IQCC: variants seen among roughly 807,000 people sequenced by gnomAD.
The protein encoded by IQCC is IQ motif containing C.
A neutral mutation model predicts 27.0 loss-of-function variants in IQCC; 23 were observed. That is an observed-to-expected ratio of 0.85 (90% CI 0.61 to 1.21). IQCC has a LOEUF of 1.21. Among genes scored for constraint, IQCC ranks in the 50% most tolerant of loss-of-function variants. IQCC has a pLI of 0.00. For synonymous variants in IQCC, 220 were observed against 217.2 expected, an observed-to-expected ratio of 1.01 and a Z score of -0.11; for missense variants, 552 against 562.3, an observed-to-expected ratio of 0.98 and a Z score of 0.19.
In IQCC at chr1:32,206,718, C is replaced by T; in HGVS notation, c.396C>T (p.Pro132=). The change falls in exon 3 of 5, where the codon CCC becomes CCT. Residue 132 remains proline (P), a synonymous_variant. Transcript: ENST00000291358. ...SWLQMKQNRK[P]SQEKTRDTTR... is the part of the protein sequence containing the mutation. Reference sequence around the variant, plus strand: ...TTCAGATGAAGCAGAACAGGAAACCCAGCCAAGAGAAGACCAGAGACACGA... The same window carrying T: ...TTCAGATGAAGCAGAACAGGAAACCTAGCCAAGAGAAGACCAGAGACACGA... The T allele has an allele frequency of 6.2e-7, 1 of 1,614,206 alleles. No homozygotes were observed. The highest frequency in any genetic ancestry group is 8.5e-7 in the Non-Finnish European group (1 of 1,180,028).
In IQCC at chr1:32,207,482, C is replaced by T. The variant is rs778886725; in HGVS notation, c.801C>T (p.Asn267=). 6.2e-7 allele frequency: 1 copy of T among 1,613,430 alleles called. No homozygotes were observed. The highest frequency in any genetic ancestry group is 8.5e-7 in the Non-Finnish European group (1 of 1,179,740). The change falls in exon 5 of 5, where the codon AAC becomes AAT. Residue 267 remains asparagine, a synonymous_variant. Coordinates refer to ENST00000291358, the MANE Select transcript of IQCC (RefSeq NM_018134.3). ...GAAGTTTGGCCACTACACAAAAAAA[C>T]ATTGCTGGGGCTAAGTGCAGAGAAC... The part of the protein sequence containing the change: ...SPGSLATTQK[N]IAGAKCREPC...
chr1:32,206,368 G>T (rs1223296156), intron 2 of IQCC, 71 bp downstream of exon 2: 21 of 1,601,812 alleles, frequency 1.3e-5, no homozygotes, highest in Non-Finnish European at 1.8e-5. Flanking sequence ...CCAGTGATAA[G>T]CTTTTCTCAC....
At chr1:32,207,150 A>G in intron 4 of IQCC, 30 bp downstream of exon 4, 1 of 1,597,472 alleles carries the variant, frequency 6.3e-7, no homozygotes. Flanking sequence ...CTTTCTGAAC[A>G]TTTAGGGTCA....
Position 32,207,282 on chromosome 1 carries a change from C to T in IQCC, c.601C>T (p.Pro201Ser), listed in dbSNP as rs1322109680. Residue 201 changes from proline (P) to serine (S), a missense_variant, in exon 5 of 5, where the codon CCG (proline) becomes TCG (serine). By Grantham distance (74) the Pro-to-Ser change is moderately conservative. Coordinates refer to ENST00000291358, the MANE Select transcript of IQCC (RefSeq NM_018134.3). ...AACACTGAGATCCCCAGAGGCGGGC[C>T]CGATCAGAGAGGAACCCCGCGTGTT... is the stretch of plus-strand genomic sequence containing the variant. ...KQTLRSPEAGPIREEPRVFLE... is the reference protein window; with the variant it reads ...KQTLRSPEAGSIREEPRVFLE... 6.2e-7 allele frequency: 1 copy of T among 1,613,742 alleles called. No homozygotes were observed.
rs903590783 is a variant in IQCC at position 32,208,255 on chromosome 1, G to C, written c.*173G>C. ...AGCAGAGAGCTGGCATGAGTATAGG[G>C]AAGGAGGAAGGACACATTTTCAATC... is the stretch of plus-strand genomic sequence containing the variant. On this transcript the variant is annotated 3_prime_UTR_variant, in exon 5 of 5. Transcript: ENST00000291358. The C allele has an allele frequency of 1.1e-4, 72 of 651,348 alleles. 1 individual carries two copies. The South Asian group carries it at 1.6e-3, about 15-fold the overall frequency. The allele number at this position is 651,348 out of a possible 1,614,324, so 40.3% of individuals were successfully genotyped here. A position where few individuals can be genotyped will look rare whatever the true frequency, so the allele number is the denominator to read the frequency against.
At position 32,206,997 on chromosome 1, in the gene IQCC, C is replaced by A; in HGVS notation, c.440-5C>A. The A allele has an allele frequency of 6.2e-7, 1 of 1,600,474 alleles. No individual in the cohort carries two copies. Among genetic ancestry groups the A allele is most frequent in the Non-Finnish European group, 8.5e-7 (1 of 1,171,662 alleles). ...TTTCTCCTTCCTTTCTTCCCTCCTTCACAGAAGCCACAGATCAAAGACTGC... is the reference window on the plus strand; with the variant it reads ...TTTCTCCTTCCTTTCTTCCCTCCTTAACAGAAGCCACAGATCAAAGACTGC... On this transcript the variant is annotated splice_polypyrimidine_tract_variant and splice_region_variant and intron_variant, in intron 3 of 4. Coordinates refer to ENST00000291358, the MANE Select transcript of IQCC (RefSeq NM_018134.3).
chr1:32,208,009 C>G lies in IQCC; in HGVS notation c.1328C>G (p.Ser443Cys). 1.2e-6 allele frequency: 2 copies of G among 1,614,158 alleles called. No individual in the cohort carries two copies. The highest frequency in any genetic ancestry group is 1.7e-6 in the Non-Finnish European group (2 of 1,179,996). ...AGATCAAAGTCACCTGAGATTCTGT[C>G]TTCTACAAAGGCAGGCTGTACAGGA... ...PWRSKSPEILSSTKAGCTGEE... is the reference protein window; with the variant it reads ...PWRSKSPEILCSTKAGCTGEE... The change falls in exon 5 of 5, where the codon TCT becomes TGT. Residue 443 changes from serine to cysteine, a missense_variant. Transcript: ENST00000291358.
At chr1:32,206,955 G>A in intron 3 of IQCC, 47 bp from the exon 4 acceptor site, 1 of 1,496,798 alleles carries the variant, frequency 6.7e-7, no homozygotes, top group Non-Finnish European at 9.2e-7. Context: ...ATTTCCCAGG[G>A]TCTGGTCCCT....
rs1284092733 is a variant in IQCC at position 32,206,835 on chromosome 1, G to C, written c.439+74G>C. ...CAGCCTCCCATCTGAAGAGTGAAAGGCTTGCGCTAGATAAGCTGCATCCCT... is the reference window on the plus strand; with the variant it reads ...CAGCCTCCCATCTGAAGAGTGAAAGCCTTGCGCTAGATAAGCTGCATCCCT... On this transcript the variant is annotated intron_variant, in intron 3 of 4. Transcript: ENST00000291358. 3.9e-6 allele frequency: 6 copies of C among 1,553,356 alleles called. No homozygotes were observed. In the African/African-American group the frequency reaches 5.5e-5, roughly 14 times the overall value.
chr1:32,206,859 C>A, intron 3 of IQCC, 98 bp downstream of exon 3: 1 of 1,487,996 alleles, frequency 6.7e-7, no homozygotes, highest in Admixed American at 1.9e-5. Context: ...AGCTGCATCC[C>A]TTTCCCGTCT....
At position 32,208,634 on chromosome 1, in the gene IQCC, T is replaced by TG. The variant is rs1288715255; in HGVS notation, c.*557dup. ...ACAAATGTGTGGCTAAGGAGTTACC[T>TG]GGGGGAAGTAGAATGAGAGGTCTGT... On this transcript the variant is annotated 3_prime_UTR_variant, in exon 5 of 5. Transcript: ENST00000291358. The TG allele has an allele frequency of 5.8e-6, 1 of 173,230 alleles. No individual in the cohort carries two copies. The highest frequency in any genetic ancestry group is 1.2e-5 in the Non-Finnish European group (1 of 80,810). The allele number at this position is 173,230 out of a possible 1,614,324, so 10.7% of individuals were successfully genotyped here. A position where few individuals can be genotyped will look rare whatever the true frequency, so the allele number is the denominator to read the frequency against.
chr1:32,206,426 C>T lies in IQCC; in HGVS notation c.187-83C>T. 7 of 1,604,082 alleles carry T rather than the reference C, an allele frequency of 4.4e-6. No homozygotes were observed. The South Asian group carries it at 6.7e-5, about 15-fold the overall frequency. On this transcript the variant is annotated intron_variant, in intron 2 of 4. Transcript: ENST00000291358. ...TCCTCACACCCCACTCCTTAACCCT[C>T]ACCAACTTGTCTGCTAGATCATGGT... is the stretch of plus-strand genomic sequence containing the variant.
rs1249636700 is a variant in IQCC, at chr1:32,206,704, C to T, written c.382C>T (p.Gln128Ter). ...RDHSSWLQMK[Q>*]NRKPSQEKTR... ...TCACAGCTCCTGGCTTCAGATGAAG[C>T]AGAACAGGAAACCCAGCCAAGAGAA... The change falls in exon 3 of 5, where the codon CAG (glutamine) becomes TAG (stop). Residue 128 changes from glutamine to a stop codon, truncating the protein, a stop_gained. Coordinates refer to ENST00000291358, the MANE Select transcript of IQCC (RefSeq NM_018134.3). LOFTEE classifies it high-confidence loss of function. 1 of 1,614,156 alleles carries T rather than the reference C, an allele frequency of 6.2e-7. No homozygotes were observed.
At chr1:32,206,892 C>A (rs1403164112) in intron 3 of IQCC, 110 bp from the exon 4 acceptor site, 1 of 1,408,428 alleles carries the variant, frequency 7.1e-7, no homozygotes, top group Non-Finnish European at 9.8e-7. Flanking sequence ...GATAGGGCCA[C>A]CACATGGTTG....
chr1:32,205,751 G>A lies in IQCC; in HGVS notation c.42+28G>A. ...GCGGGGGCGGGCGCGGGGTTCACAGGATTTTTCCTTTAGGGAAATCATGGG... is the reference window on the plus strand; with the variant it reads ...GCGGGGGCGGGCGCGGGGTTCACAGAATTTTTCCTTTAGGGAAATCATGGG... On this transcript the variant is annotated intron_variant, in intron 1 of 4. Transcript: ENST00000291358. This position sits in a 1 kb window ranked among gnomAD's most constrained non-coding sequence, Gnocchi z 5.6. 2 of 1,610,930 alleles carry A rather than the reference G, an allele frequency of 1.2e-6. No homozygotes were observed. The highest frequency in any genetic ancestry group is 8.5e-7 in the Non-Finnish European group (1 of 1,179,260).
At position 32,205,678 on chromosome 1, in the gene IQCC, G is replaced by A. The variant is rs753667007; in HGVS notation, c.-4G>A. On this transcript the variant is annotated 5_prime_UTR_variant, in exon 1 of 5. Coordinates refer to ENST00000291358, the MANE Select transcript of IQCC (RefSeq NM_018134.3). This position sits in a 1 kb window ranked among gnomAD's most constrained non-coding sequence, Gnocchi z 5.6. ...CGCGCGGGCGGGCCTGGCAGTTGGCGCCCATGGAGCCAGAGCTGCTGGTTC... is the reference window on the plus strand; with the variant it reads ...CGCGCGGGCGGGCCTGGCAGTTGGCACCCATGGAGCCAGAGCTGCTGGTTC... 14 of 1,595,774 alleles carry A rather than the reference G, an allele frequency of 8.8e-6. No individual in the cohort carries two copies. Among genetic ancestry groups the A allele is most frequent in the Middle Eastern group, 1.7e-4 (1 of 6,010 alleles).
intron 3 of IQCC, 23 bp from the exon 4 acceptor site, chr1:32,206,975 CTCCT>C: frequency 6.4e-7 from 1 of 1,563,636 alleles, no homozygotes; most frequent in Non-Finnish European, 8.8e-7. Context: ...TCAAGGTTTT[CTCCT>C]TCCTTTCTTC....
intron 1 of IQCC, 104 bp from the exon 2 acceptor site, chr1:32,206,050 G>A (rs963544702): frequency 1.2e-6 from 2 of 1,600,294 alleles, no homozygotes; most frequent in Admixed American, 3.4e-5. Flanking sequence ...CCGCCGTCAG[G>A]TCCCCTCTTG....
Position 32,207,590 on chromosome 1 carries a change from C to A in IQCC, c.909C>A (p.Asp303Glu). 6.2e-7 allele frequency: 1 copy of A among 1,613,350 alleles called. No individual in the cohort carries two copies. The highest frequency in any genetic ancestry group is 8.5e-7 in the Non-Finnish European group (1 of 1,179,788). ...ALGDRLTKGP[D>E]DGRQTFGGTC... is the part of the protein sequence containing the mutation. ...GGGACAGGCTCACCAAAGGGCCAGA[C>A]GATGGAAGACAGACCTTTGGAGGGA... Residue 303 changes from aspartate (D) to glutamate (E), a missense_variant, in exon 5 of 5, where the codon GAC becomes GAA. By Grantham distance (45) the Asp-to-Glu change is conservative. Transcript: ENST00000291358.
Sources: allele counts gnomAD v4.1 joint callset, GRCh38; gene constraint gnomAD v4.1.1; non-coding constraint Gnocchi (gnomAD v3.1); transcripts MANE v1.5; gene names NCBI Gene and HGNC (gene_info 2026-07-23, HGNC 2026-07-21).